Variants in NEK4 observed in about 807,000 individuals in gnomAD.
NEK4 encodes NIMA related kinase 4.
In NEK4, 86 loss-of-function variants were observed where a neutral mutation model predicts 98.4. That is an observed-to-expected ratio of 0.87 (90% CI 0.73 to 1.05). The LOEUF is 1.05. Among genes scored for constraint, NEK4 ranks in the 50% least tolerant of loss-of-function variants. The pLI is 0.00. For missense variants in NEK4, 898 were observed against 950.3 expected, an observed-to-expected ratio of 0.94 and a Z score of 0.72; for synonymous variants, 328 against 342.2, an observed-to-expected ratio of 0.96 and a Z score of 0.46.
At chr3:52,730,879 G>A (rs2097368975) in intron 15 of NEK4, among the ~76,000 whole-genome samples, 1 of 152,132 alleles carries the variant, frequency 6.6e-6, no homozygotes, top group Non-Finnish European at 1.5e-5. Context: ...AGGGGCTGGT[G>A]GGGGCAGGAA....
At chr3:52,733,708 C>T (rs1206301947) in intron 15 of NEK4, 2 of 443,192 alleles carry the variant, frequency 4.5e-6, no homozygotes, top group African/African-American at 4.1e-5. Flanking sequence ...GCGGCAAGGT[C>T]TTCGGACACA....
In NEK4 at chr3:52,746,116, C is replaced by T. The variant is rs1179851533; in HGVS notation, c.1772G>A (p.Arg591Lys). Residue 591 changes from arginine (R) to lysine (K), a missense_variant, in exon 10 of 16, where the codon AGA (arginine) becomes AAA (lysine). Physicochemically the swap from Arg to Lys is conservative, Grantham distance 26. Transcript: ENST00000233027. ...STQKEAENQRRVVTGSVSSSR... is the reference protein window; with the variant it reads ...STQKEAENQRKVVTGSVSSSR... ...ACTGCTCACAGACCCAGTGACCACT[C>T]TACGTTGGTTTTCAGCCTCTTTTTG... 4 of 1,614,176 alleles carry T rather than the reference C, an allele frequency of 2.5e-6. No individual in the cohort carries two copies. Among genetic ancestry groups the T allele is most frequent in the South Asian group, 1.1e-5 (1 of 91,082 alleles).
At chr3:52,737,962 C>T (rs1238802104) in intron 14 of NEK4, among the ~76,000 whole-genome samples, 1 of 152,034 alleles carries the variant, frequency 6.6e-6, no homozygotes, top group Non-Finnish European at 1.5e-5. Context: ...TACAGGGGCC[C>T]ACCACCACAC....
chr3:52,768,509 G>A lies in NEK4; in HGVS notation c.189C>T (p.Pro63=). 1 of 1,614,178 alleles carries A rather than the reference G, an allele frequency of 6.2e-7. No individual in the cohort carries two copies. The highest frequency in any genetic ancestry group is 8.5e-7 in the Non-Finnish European group (1 of 1,180,008). ...ATGACTCCTTGTAGGTGACAATGTT[G>A]GGATGCTTCAACTGAGACAAGAGCT... ...EAQLLSQLKH[P]NIVTYKESWE... The change falls in exon 2 of 16, where the codon CCC becomes CCT. Residue 63 remains proline, a synonymous_variant. Transcript: ENST00000233027.
intron 15 of NEK4, among the ~76,000 whole-genome samples, chr3:52,736,383 G>A (rs1025256841): frequency 2.6e-5 from 4 of 152,056 alleles, no homozygotes; most frequent in Admixed American, 6.6e-5. Context: ...TCAGGAGATC[G>A]AGACCATCCT....
At chr3:52,762,553 A>C (rs1698396042) in intron 5 of NEK4, among the ~76,000 whole-genome samples, 1 of 152,188 alleles carries the variant, frequency 6.6e-6, no homozygotes, top group Non-Finnish European at 1.5e-5. Flanking sequence ...GTATTTGAAG[A>C]CTGGGAGAAT....
intron 4 of NEK4, among the ~76,000 whole-genome samples, chr3:52,764,438 T>C (rs1458194599): frequency 6.6e-6 from 1 of 151,072 alleles, no homozygotes; most frequent in Non-Finnish European, 1.5e-5. Context: ...GAGACCATCC[T>C]GGCTAACACA....
chr3:52,734,082 A>C (rs1235819643), intron 15 of NEK4, among the ~76,000 whole-genome samples: 1 of 152,208 alleles, frequency 6.6e-6, no homozygotes, highest in Non-Finnish European at 1.5e-5. Context: ...ACAGTTGGCC[A>C]GGCATAGTGG....
rs141109721 is a variant in NEK4 at position 52,746,080 on chromosome 3, C to A, written c.1808G>T (p.Ser603Ile). 2 of 1,613,812 alleles carry A rather than the reference C, an allele frequency of 1.2e-6. No homozygotes were observed. Among genetic ancestry groups the A allele is most frequent in the African/African-American group, 1.3e-5 (1 of 74,920 alleles). Reference sequence around the variant, plus strand: ...ACAAACCTTTGATGATGACATCTCACTGCTCCTTGAACTGCTCACAGACCC... The same window carrying A: ...ACAAACCTTTGATGATGACATCTCAATGCTCCTTGAACTGCTCACAGACCC... ...VTGSVSSSRS[S>I]EMSSSKDRPL... Residue 603 changes from serine to isoleucine, a missense_variant, in exon 10 of 16, where the codon AGT (serine) becomes ATT (isoleucine). Coordinates refer to ENST00000233027, the MANE Select transcript of NEK4 (RefSeq NM_003157.6).
chr3:52,760,745 T>C, intron 6 of NEK4, 50 bp downstream of exon 6: 3 of 1,388,988 alleles, frequency 2.2e-6, no homozygotes, highest in Non-Finnish European at 3.0e-6. Flanking sequence ...AGATGGCCCA[T>C]TTTTCTAAGT....
chr3:52,726,558 C>T (rs1458131100), intron 15 of NEK4, among the ~76,000 whole-genome samples: 1 of 149,326 alleles, frequency 6.7e-6, no homozygotes, highest in Admixed American at 6.7e-5. Flanking sequence ...GAGATCACAC[C>T]ACTGCACTCC....
chr3:52,756,627 G>T (rs1012030919), intron 6 of NEK4, among the ~76,000 whole-genome samples: 3 of 152,048 alleles, frequency 2.0e-5, no homozygotes, highest in African/African-American at 7.2e-5. Context: ...AAACCTAAAT[G>T]TAAGACCTAA....
Position 52,749,682 on chromosome 3 carries a change from CA to C in NEK4, c.1506+9del. 3.9e-6 allele frequency: 1 copy of C among 257,026 alleles called. No individual in the cohort carries two copies. Among genetic ancestry groups the C allele is most frequent in the Non-Finnish European group, 7.9e-6 (1 of 126,514 alleles). The allele number at this position is 257,026 out of a possible 1,614,324, so 15.9% of individuals were successfully genotyped here. ...AACCCCATCTCTGCTAGAAAAACTG[CA>C]AAAATTACCTGGGCGTGGTGGCACA... On this transcript the variant is annotated intron_variant, in intron 8 of 15. Transcript: ENST00000233027.
intron 15 of NEK4, among the ~76,000 whole-genome samples, chr3:52,730,250 C>A (rs1209452468): frequency 1.3e-5 from 2 of 152,126 alleles, no homozygotes; most frequent in East Asian, 1.9e-4. Context: ...AATAGAAAAT[C>A]TGAATAGACC....
chr3:52,726,944 A>G (rs1021840829), intron 15 of NEK4, among the ~76,000 whole-genome samples: 3 of 150,592 alleles, frequency 2.0e-5, no homozygotes, highest in African/African-American at 7.3e-5. Flanking sequence ...CAGTAAACCA[A>G]CTAGATCTAA....
At chr3:52,757,930 T>C (rs1182074648) in intron 6 of NEK4, among the ~76,000 whole-genome samples, 2 of 151,566 alleles carry the variant, frequency 1.3e-5, no homozygotes, top group Non-Finnish European at 2.9e-5. Flanking sequence ...AATCTCAGCA[T>C]TTTGGGAGGC....
intron 13 of NEK4, among the ~76,000 whole-genome samples, 157 bp from the exon 14 acceptor site, chr3:52,739,791 ACT>A (rs1174827641): frequency 2.6e-5 from 4 of 152,186 alleles, no homozygotes; most frequent in African/African-American, 9.7e-5. Context: ...ACAACTATAA[ACT>A]CTAGAAAAAA....
intron 14 of NEK4, among the ~76,000 whole-genome samples, chr3:52,739,120 C>T (rs771374418): frequency 1.2e-4 from 18 of 152,286 alleles, no homozygotes; most frequent in East Asian, 3.9e-4. Flanking sequence ...ATAAACTAGG[C>T]CAGGCATGGT....
intron 2 of NEK4, among the ~76,000 whole-genome samples, chr3:52,767,005 A>T (rs942130324): frequency 2.6e-5 from 4 of 152,068 alleles, no homozygotes; most frequent in African/African-American, 7.2e-5. Flanking sequence ...AAAAAAAAAA[A>T]ATATGTTTAC....
Sources: gnomAD v4.1 joint callset for allele counts (sites outside exome capture counted in the v4.1 genomes callset) on GRCh38, gnomAD v4.1.1 for gene constraint, MANE v1.5 for transcripts, NCBI Gene and HGNC (gene_info 2026-07-23, HGNC 2026-07-21) for gene names.